CLTCL1: variants seen among roughly 807,000 people sequenced by gnomAD.
CLTCL1 encodes clathrin heavy chain 2.
Under a neutral mutation model 190.0 loss-of-function variants are expected in CLTCL1, and 159 were observed. The observed-to-expected ratio is 0.84, with a 90% confidence interval of 0.74 to 0.95. The LOEUF is 0.95. Ranked by LOEUF, CLTCL1 falls within the 40% of genes least tolerant of loss-of-function variation. CLTCL1 has a pLI of 0.00. For missense variants in CLTCL1, 1,878 were observed against 2,033.4 expected, an observed-to-expected ratio of 0.92 and a Z score of 1.47; for synonymous variants, 752 against 769.6, an observed-to-expected ratio of 0.98 and a Z score of 0.38.
chr22:19,232,429 TG>T, intron 10 of CLTCL1, 46 bp downstream of exon 10: 1 of 1,611,904 alleles, frequency 6.2e-7, no homozygotes. Context: ...ATCTTCTAGA[TG>T]GCTCTAAAAA....
At position 19,232,551 on chromosome 22, in the gene CLTCL1, C is replaced by T. The variant is rs372705723; in HGVS notation, c.1569G>A (p.Lys523=). The T allele has an allele frequency of 1.2e-6, 2 of 1,613,838 alleles. No homozygotes were observed. Among genetic ancestry groups the T allele is most frequent in the Non-Finnish European group, 1.7e-6 (2 of 1,179,874 alleles). ...DWIFLLRGVM[K]ISPEQGLQFS... The stretch of plus-strand genomic sequence containing the variant: ...ACTGCAGGCCCTGTTCCGGACTGAT[C>T]TTCATTACACCCCTCAGCAGAAAGA... The change falls in exon 10 of 33, where the codon AAG becomes AAA. Residue 523 remains lysine (K), a synonymous_variant. Transcript: ENST00000427926.
chr22:19,264,995 G>T (rs561024180), intron 2 of CLTCL1, among the ~76,000 whole-genome samples: 156 of 152,130 alleles, frequency 1.0e-3, no homozygotes, highest in African/African-American at 3.7e-3. Context: ...CACCATGTTG[G>T]CCAGGCTGGT....
chr22:19,232,753 C>T (rs1302401168), intron 9 of CLTCL1, 155 bp from the exon 10 acceptor site: 7 of 930,330 alleles, frequency 7.5e-6, no homozygotes, highest in African/African-American at 1.7e-5. Context: ...ACACAATATC[C>T]AATTAAATGA....
At chr22:19,204,040 C>T (rs564603871) in intron 22 of CLTCL1, among the ~76,000 whole-genome samples, 19 of 152,320 alleles carry the variant, frequency 1.2e-4, no homozygotes, top group African/African-American at 4.1e-4. Context: ...CTGCCCCTTG[C>T]GACATCACTG....
At chr22:19,228,018 G>A (rs1480798594) in intron 11 of CLTCL1, among the ~76,000 whole-genome samples, 1 of 151,394 alleles carries the variant, frequency 6.6e-6, no homozygotes, top group African/African-American at 2.4e-5. Context: ...TACACTCCTG[G>A]GTGCCTTCCC....
At chr22:19,283,444 C>T (rs1435364252) in intron 1 of CLTCL1, among the ~76,000 whole-genome samples, 4 of 151,814 alleles carry the variant, frequency 2.6e-5, no homozygotes, top group African/African-American at 9.7e-5. Context: ...CTGCACCTGG[C>T]TAATTTTTGT....
rs549829222 is a variant in CLTCL1, at chr22:19,201,159, G to T, written c.3765+170C>A. 2.6e-5 allele frequency among the ~76,000 whole-genome samples: 4 copies of T among 152,326 alleles called. No homozygotes were observed. In the South Asian group the frequency reaches 8.3e-4, roughly 32 times the overall value. ...CTGGTTCCACATCAGATTCTCTGGG[G>T]CCTCTGTTCCAACTACAAACACTAG... is the stretch of plus-strand genomic sequence containing the variant. On this transcript the variant is annotated intron_variant, in intron 23 of 32. Transcript: ENST00000427926.
At chr22:19,220,676 G>A (rs1462126725) in intron 17 of CLTCL1, among the ~76,000 whole-genome samples, 6 of 152,188 alleles carry the variant, frequency 3.9e-5, no homozygotes, top group Non-Finnish European at 5.9e-5. Context: ...GCGTGCACAC[G>A]TGCTTGCGGA....
intron 1 of CLTCL1, among the ~76,000 whole-genome samples, chr22:19,276,871 A>G (rs1039023880): frequency 4.6e-5 from 7 of 151,864 alleles, no homozygotes; most frequent in East Asian, 3.9e-4. Context: ...ACGGGGTTTC[A>G]CCGTGTTAGC....
At position 19,210,364 on chromosome 22, in the gene CLTCL1, C is replaced by T. The variant is rs369214595; in HGVS notation, c.3211G>A (p.Val1071Ile). The change falls in exon 20 of 33, where the codon GTT (valine) becomes ATT (isoleucine). Residue 1071 changes from valine to isoleucine, a missense_variant. Physicochemically the swap from Val to Ile is conservative, Grantham distance 29 (BLOSUM62 3). Transcript: ENST00000427926. ...GCATTCATATCAAACTTGTGGAAAA[C>T]GGTGAAGGCCTCCTCATACAGTGCG... ...SSALYEEAFT[V>I]FHKFDMNASA... The T allele has an allele frequency of 1.1e-5, 17 of 1,613,840 alleles. No individual in the cohort carries two copies. The highest frequency in any genetic ancestry group is 5.5e-5 in the South Asian group (5 of 91,084).
Position 19,254,123 on chromosome 22 carries a change from C to T in CLTCL1, c.355G>A (p.Val119Ile), listed in dbSNP as rs1378959128. 3.7e-6 allele frequency: 6 copies of T among 1,613,576 alleles called. No individual in the cohort carries two copies. Among genetic ancestry groups the T allele is most frequent in the African/African-American group, 1.3e-5 (1 of 74,922 alleles). Residue 119 changes from valine (V) to isoleucine (I), a missense_variant, in exon 3 of 33, where the codon GTT (valine) becomes ATT (isoleucine). Physicochemically the swap from Val to Ile is conservative, Grantham distance 29. Coordinates refer to ENST00000427926, the MANE Select transcript of CLTCL1 (RefSeq NM_007098.4). ...IFWKWVSVNTVALVTETAVYH... is the reference protein window; with the variant it reads ...IFWKWVSVNTIALVTETAVYH... ...ACCGCGGTCTCGGTCACCAAGGCAACAGTGTTCACAGAAACCCATTTCCAG... is the reference window on the plus strand; with the variant it reads ...ACCGCGGTCTCGGTCACCAAGGCAATAGTGTTCACAGAAACCCATTTCCAG...
At chr22:19,234,783 T>C in intron 6 of CLTCL1, 77 bp from the exon 7 acceptor site, 2 of 1,267,876 alleles carry the variant, frequency 1.6e-6, no homozygotes, top group Admixed American at 1.8e-5. Flanking sequence ...TCCCTTCCGA[T>C]GCTGGAGTGG....
At chr22:19,268,918 C>T (rs1304166751) in intron 2 of CLTCL1, among the ~76,000 whole-genome samples, 1 of 151,972 alleles carries the variant, frequency 6.6e-6, no homozygotes, top group African/African-American at 2.4e-5. Context: ...GGTGAAACCT[C>T]GTCTCTACTA....
At chr22:19,233,873 G>A (rs1007722068) in intron 7 of CLTCL1, among the ~76,000 whole-genome samples, 24 of 152,226 alleles carry the variant, frequency 1.6e-4, no homozygotes, top group Non-Finnish European at 2.5e-4. Flanking sequence ...GTAAGAATTC[G>A]GCCTCTCAAT....
chr22:19,187,585 C>T lies in CLTCL1; in HGVS notation c.4578G>A (p.Glu1526=), dbSNP rs571605817. 3.1e-6 allele frequency: 5 copies of T among 1,612,850 alleles called. No homozygotes were observed. The African/African-American group carries it at 5.3e-5, about 17-fold the overall frequency. ...TGTAGAGATGATCCTTCTTGCAGAGCTCCACGCTCTGGGCCCACCAGTTAT... is the reference window on the plus strand; with the variant it reads ...TGTAGAGATGATCCTTCTTGCAGAGTTCCACGCTCTGGGCCCACCAGTTAT... ...KGNNWWAQSV[E]LCKKDHLYKD... Residue 1526 remains glutamate, a synonymous_variant, in exon 29 of 33, where the codon GAG becomes GAA. Coordinates refer to ENST00000427926, the MANE Select transcript of CLTCL1 (RefSeq NM_007098.4).
chr22:19,291,525 G>A, intron 1 of CLTCL1, 75 bp downstream of exon 1: 2 of 1,237,918 alleles, frequency 1.6e-6, no homozygotes, highest in Non-Finnish European at 2.1e-6. Context: ...GGCTGGGGGC[G>A]CGGGGTCAAG....
At chr22:19,285,754 A>C (rs2087884040) in intron 1 of CLTCL1, among the ~76,000 whole-genome samples, 1 of 152,190 alleles carries the variant, frequency 6.6e-6, no homozygotes, top group Non-Finnish European at 1.5e-5. Context: ...AAAGGAAGGA[A>C]AAATCAGACA....
At chr22:19,181,125 T>G (rs1165718791) in intron 30 of CLTCL1, 1 of 368,574 alleles carries the variant, frequency 2.7e-6, no homozygotes, top group Non-Finnish European at 5.0e-6. Context: ...AGTCCTCCTC[T>G]GGATACAGGG....
At chr22:19,186,252 T>C (rs1255939772) in intron 29 of CLTCL1, among the ~76,000 whole-genome samples, 1 of 152,118 alleles carries the variant, frequency 6.6e-6, no homozygotes, top group African/African-American at 2.4e-5. Context: ...TCCAGAGTCT[T>C]TGGGCACAAG....
Sources: allele counts gnomAD v4.1 joint callset (sites outside exome capture counted in the v4.1 genomes callset), GRCh38; gene constraint gnomAD v4.1.1; transcripts MANE v1.5; gene names NCBI Gene and HGNC (gene_info 2026-07-23, HGNC 2026-07-21).